Variants in PPP2R2B observed in about 807,000 individuals in gnomAD.
PPP2R2B encodes the protein serine/threonine-protein phosphatase 2A 55 kDa regulatory subunit B beta isoform.
In PPP2R2B, 5 loss-of-function variants were observed where a neutral mutation model predicts 46.0. That is an observed-to-expected ratio of 0.11 (90% CI 0.06 to 0.23). The LOEUF (loss-of-function observed/expected upper bound fraction) is 0.23. Ranked by LOEUF, PPP2R2B falls within the 10% of genes least tolerant of loss-of-function variation. The pLI is 1.00. For synonymous variants in PPP2R2B, 215 were observed against 206.7 expected (o/e 1.04, Z -0.34); for missense variants, 367 against 575.0 (o/e 0.64, Z 3.70).
chr5:146,589,771 C>CA lies in PPP2R2B; in HGVS notation c.*175dup. ...AGTGTCCCAAACCTATTGGGTTTGA[C>CA]AAAAGTTTCTTAGAACTGGGGAGCT... On this transcript the variant is annotated 3_prime_UTR_variant, in exon 10 of 10. Coordinates refer to ENST00000394411, the MANE Select transcript of PPP2R2B (RefSeq NM_181675.4). The CA allele has an allele frequency of 1.4e-6, 1 of 692,726 alleles. No homozygotes were observed. 42.9% of individuals were successfully genotyped at this position (692,726 alleles called of 1,614,324 possible).
intron 1 of PPP2R2B, among the ~76,000 whole-genome samples, chr5:146,956,235 A>AT (rs11375375): frequency 0.56 from 84,885 of 151,656 alleles, 25,001 homozygotes; most frequent in Non-Finnish European, 0.65. Flanking sequence ...TTTCCATTCA[A>AT]TTTTTTTCAT....
intron 2 of PPP2R2B, among the ~76,000 whole-genome samples, chr5:146,781,164 A>ATATG (rs1755499299): frequency 9.1e-6 from 1 of 109,948 alleles, no homozygotes; most frequent in East Asian, 3.8e-4. Context: ...ATATATATAT[A>ATATG]TATATATATA....
chr5:146,804,798 G>A (rs1177253635), intron 2 of PPP2R2B, among the ~76,000 whole-genome samples: 3 of 152,146 alleles, frequency 2.0e-5, no homozygotes, highest in African/African-American at 7.2e-5. Context: ...AAGAGGAGCA[G>A]GTCGCCTGAG....
intron 2 of PPP2R2B, among the ~76,000 whole-genome samples, chr5:146,782,515 G>A (rs570471743): frequency 1.3e-5 from 2 of 152,164 alleles, no homozygotes; most frequent in African/African-American, 4.8e-5. Flanking sequence ...TTCAGCCTGA[G>A]TGATGACTAC....
chr5:147,006,088 G>A (rs1754424796), intron 1 of PPP2R2B, among the ~76,000 whole-genome samples: 1 of 152,102 alleles, frequency 6.6e-6, no homozygotes, highest in South Asian at 2.1e-4. Context: ...CCATACAAAG[G>A]TCTGACCACA....
chr5:146,650,427 G>T, intron 6 of PPP2R2B, 120 bp downstream of exon 6: 1 of 875,212 alleles, frequency 1.1e-6, no homozygotes, highest in Non-Finnish European at 1.7e-6. Flanking sequence ...TATTTTAAAA[G>T]GGGCAAGTTC....
intron 1 of PPP2R2B, among the ~76,000 whole-genome samples, chr5:147,048,085 G>T (rs934033565): frequency 3.9e-5 from 6 of 152,184 alleles, no homozygotes. Context: ...CTGTGTATTT[G>T]CCAAGGTGAT....
chr5:146,807,179 C>T (rs909972070), intron 2 of PPP2R2B, among the ~76,000 whole-genome samples: 1 of 152,178 alleles, frequency 6.6e-6, no homozygotes, highest in African/African-American at 2.4e-5. Context: ...TTAAGAATCA[C>T]TGGTCTTCAA....
At chr5:147,069,573 T>C (rs1300207727) in intron 2 of PPP2R2B, among the ~76,000 whole-genome samples, 1 of 152,120 alleles carries the variant, frequency 6.6e-6, no homozygotes, top group Non-Finnish European at 1.5e-5. Flanking sequence ...CTTCTGGCCA[T>C]GCCTGGATTG....
At chr5:146,997,508 A>G (rs893240062) in intron 1 of PPP2R2B, among the ~76,000 whole-genome samples, 1 of 152,154 alleles carries the variant, frequency 6.6e-6, no homozygotes, top group East Asian at 1.9e-4. Flanking sequence ...TCAAGTACCC[A>G]ACTTGAACCT....
chr5:146,797,452 C>A (rs904482503), intron 2 of PPP2R2B, among the ~76,000 whole-genome samples: 4 of 152,172 alleles, frequency 2.6e-5, no homozygotes, highest in Non-Finnish European at 5.9e-5. Flanking sequence ...AACCAACTTG[C>A]CTGCTTTCTT....
At chr5:146,698,206 C>A in intron 3 of PPP2R2B, 62 bp from the exon 4 acceptor site, 2 of 1,414,104 alleles carry the variant, frequency 1.4e-6, no homozygotes, top group Non-Finnish European at 9.4e-7. Flanking sequence ...TAAAACTCGC[C>A]AACTCCCTTT....
intron 2 of PPP2R2B, among the ~76,000 whole-genome samples, chr5:146,703,007 C>G (rs1192666041): frequency 6.6e-6 from 1 of 152,184 alleles, no homozygotes; most frequent in East Asian, 1.9e-4. Flanking sequence ...GTTATTTGAC[C>G]ACTTTCCTTT....
chr5:146,639,311 T>A (rs1775039329), intron 6 of PPP2R2B, among the ~76,000 whole-genome samples: 1 of 152,218 alleles, frequency 6.6e-6, no homozygotes, highest in South Asian at 2.1e-4. Flanking sequence ...GAAAATATCC[T>A]TAGTTTTATC....
chr5:147,012,698 C>G (rs1251927101), intron 1 of PPP2R2B, among the ~76,000 whole-genome samples: 2 of 151,610 alleles, frequency 1.3e-5, no homozygotes, highest in African/African-American at 4.8e-5. Flanking sequence ...ATCTTTCCTG[C>G]TTTCTCTTGT....
At chr5:146,623,850 G>T (rs1409013161) in intron 7 of PPP2R2B, among the ~76,000 whole-genome samples, 2 of 152,168 alleles carry the variant, frequency 1.3e-5, no homozygotes, top group Non-Finnish European at 2.9e-5. Flanking sequence ...CACTGATGGG[G>T]CTGGAAGCTG....
At chr5:146,990,637 C>T (rs557933551) in intron 1 of PPP2R2B, among the ~76,000 whole-genome samples, 1 of 152,144 alleles carries the variant, frequency 6.6e-6, no homozygotes, top group East Asian at 1.9e-4. Context: ...AGGGGAAATG[C>T]TTCATGAAAT....
At chr5:146,778,403 A>G (rs1755315315) in intron 2 of PPP2R2B, among the ~76,000 whole-genome samples, 1 of 152,216 alleles carries the variant, frequency 6.6e-6, no homozygotes, top group African/African-American at 2.4e-5. Flanking sequence ...CATAAGTAGC[A>G]AGGCCATAAT....
At chr5:147,046,752 G>T (rs1040884474) in intron 1 of PPP2R2B, among the ~76,000 whole-genome samples, 1 of 152,100 alleles carries the variant, frequency 6.6e-6, no homozygotes, top group Non-Finnish European at 1.5e-5. Flanking sequence ...ATTTTTACCT[G>T]TAAAATGTGG....
Sources: allele counts gnomAD v4.1 joint callset (sites outside exome capture counted in the v4.1 genomes callset), GRCh38; gene constraint gnomAD v4.1.1; transcripts MANE v1.5; gene names NCBI Gene and HGNC (gene_info 2026-07-23, HGNC 2026-07-21).